The following ADAMTSL3 variants were observed in gnomAD, a reference collection of about 807,000 sequenced individuals.
ADAMTSL3 encodes the protein ADAMTS like 3, also known as ADAMTS-like protein 3.
In ADAMTSL3, 128 loss-of-function variants were observed where a neutral mutation model predicts 201.7. The observed-to-expected ratio is 0.63, with a 90% CI of 0.55 to 0.73. The LOEUF is 0.73. Ranked by LOEUF, ADAMTSL3 falls within the 30% of genes least tolerant of loss-of-function variation. ADAMTSL3 has a pLI of 0.00. For missense variants in ADAMTSL3, 1,990 were observed against 2,119.6 expected (o/e 0.94, Z 1.20); for synonymous variants, 738 against 748.4 (o/e 0.99, Z 0.23).
chr15:83,844,901 G>A (rs2064462772), intron 7 of ADAMTSL3, among the ~76,000 whole-genome samples: 1 of 152,176 alleles, frequency 6.6e-6, no homozygotes, highest in African/African-American at 2.4e-5. Context: ...GATGAAATCC[G>A]CGTCCCTCTC....
chr15:83,803,907 C>G (rs2063561119), intron 4 of ADAMTSL3, among the ~76,000 whole-genome samples: 1 of 152,148 alleles, frequency 6.6e-6, no homozygotes. Flanking sequence ...CTTTGGGAGG[C>G]TGGGGCAGGT....
intron 13 of ADAMTSL3, among the ~76,000 whole-genome samples, chr15:83,896,205 CG>C (rs1400767497): frequency 1.3e-5 from 2 of 150,662 alleles, no homozygotes; most frequent in Non-Finnish European, 3.0e-5. Flanking sequence ...GGAAGTGGGT[CG>C]GGAGGATTCA....
At chr15:83,793,247 A>C (rs946556578) in intron 4 of ADAMTSL3, among the ~76,000 whole-genome samples, 1 of 152,196 alleles carries the variant, frequency 6.6e-6, no homozygotes. Context: ...GGTAAGAGGA[A>C]TAAGTTTAAC....
intron 2 of ADAMTSL3, among the ~76,000 whole-genome samples, chr15:83,676,690 A>G (rs1440003019): frequency 6.6e-6 from 1 of 152,166 alleles, no homozygotes; most frequent in Non-Finnish European, 1.5e-5. Context: ...CAACAACAAC[A>G]ATAACAAAAT....
chr15:83,901,523 G>C (rs935366270), intron 15 of ADAMTSL3, among the ~76,000 whole-genome samples: 2 of 152,170 alleles, frequency 1.3e-5, no homozygotes, highest in African/African-American at 4.8e-5. Context: ...AAACATTGTG[G>C]ATATTTCAGA....
At chr15:83,884,224 CA>C (rs1349462817) in intron 9 of ADAMTSL3, among the ~76,000 whole-genome samples, 9 of 150,118 alleles carry the variant, frequency 6.0e-5, no homozygotes, top group Admixed American at 2.0e-4. Context: ...TTTTAATTGA[CA>C]AAAATTGTAC....
chr15:84,021,908 A>C (rs1479131351), intron 26 of ADAMTSL3, among the ~76,000 whole-genome samples: 2 of 152,184 alleles, frequency 1.3e-5, no homozygotes, highest in Non-Finnish European at 2.9e-5. Context: ...CAATCCTGTC[A>C]GTTCTTTAAG....
chr15:83,670,537 A>T (rs1437549453), intron 2 of ADAMTSL3, among the ~76,000 whole-genome samples: 1 of 152,062 alleles, frequency 6.6e-6, no homozygotes, highest in Non-Finnish European at 1.5e-5. Flanking sequence ...CATAATACTT[A>T]AACAAAAGTT....
chr15:83,826,049 A>G (rs2064015338), intron 6 of ADAMTSL3, among the ~76,000 whole-genome samples: 1 of 152,214 alleles, frequency 6.6e-6, no homozygotes, highest in Non-Finnish European at 1.5e-5. Context: ...GGATAACAAG[A>G]GCTTAAAATA....
chr15:83,805,937 C>G (rs984040762), intron 5 of ADAMTSL3, among the ~76,000 whole-genome samples: 2 of 152,166 alleles, frequency 1.3e-5, no homozygotes, highest in Non-Finnish European at 2.9e-5. Context: ...CAGGAGAACG[C>G]GGCAGTCCTC....
At chr15:84,016,238 C>G in intron 24 of ADAMTSL3, 145 bp from the exon 25 acceptor site, 1 of 636,972 alleles carries the variant, frequency 1.6e-6, no homozygotes, top group Non-Finnish European at 2.8e-6. Flanking sequence ...ACCTCCCAGA[C>G]CTGTGGTCAT....
chr15:83,717,733 A>G (rs2062039508), intron 3 of ADAMTSL3, among the ~76,000 whole-genome samples: 1 of 152,240 alleles, frequency 6.6e-6, no homozygotes, highest in Non-Finnish European at 1.5e-5. Context: ...TATGATTCCC[A>G]TTGGTGGTGG....
intron 28 of ADAMTSL3, 26 bp downstream of exon 28, chr15:84,031,458 C>T: frequency 6.3e-7 from 1 of 1,595,642 alleles, no homozygotes; most frequent in Non-Finnish European, 8.6e-7. Flanking sequence ...CAGAGCAGCA[C>T]ACATTCTCTC....
intron 2 of ADAMTSL3, among the ~76,000 whole-genome samples, chr15:83,699,337 C>A (rs1469772863): frequency 2.0e-5 from 3 of 152,178 alleles, no homozygotes; most frequent in African/African-American, 7.2e-5. Context: ...CCATCCATTA[C>A]AATTCCTTTA....
chr15:83,665,531 T>G (rs998698536), intron 2 of ADAMTSL3, among the ~76,000 whole-genome samples: 1 of 152,166 alleles, frequency 6.6e-6, no homozygotes, highest in Admixed American at 6.5e-5. Context: ...ACCAATTACA[T>G]GTAATTGTTT....
intron 20 of ADAMTSL3, among the ~76,000 whole-genome samples, chr15:83,975,572 C>A (rs967207009): frequency 2.0e-5 from 3 of 152,124 alleles, no homozygotes; most frequent in Admixed American, 1.3e-4. Context: ...TTAATTCATT[C>A]AACAAACAGA....
chr15:83,941,880 C>A (rs987488641), intron 17 of ADAMTSL3, among the ~76,000 whole-genome samples: 7 of 152,100 alleles, frequency 4.6e-5, no homozygotes, highest in South Asian at 2.1e-4. Context: ...ATTAAAATAA[C>A]CATAATGTGT....
At chr15:83,669,453 G>GTTTT (rs71156089) in intron 2 of ADAMTSL3, among the ~76,000 whole-genome samples, 7 of 56,924 alleles carry the variant, frequency 1.2e-4, no homozygotes, top group Non-Finnish European at 2.0e-4. Context: ...CGGGAGTGAG[G>GTTTT]TTTTTTTTTT....
intron 3 of ADAMTSL3, among the ~76,000 whole-genome samples, chr15:83,721,776 A>C (rs1053810462): frequency 1.3e-5 from 2 of 152,100 alleles, no homozygotes; most frequent in Non-Finnish European, 2.9e-5. Flanking sequence ...CCTGTTGCCC[A>C]AGCTGGAGTG....
Sources: gnomAD v4.1 joint callset for allele counts (sites outside exome capture counted in the v4.1 genomes callset) on GRCh38, gnomAD v4.1.1 for gene constraint, MANE v1.5 for transcripts, NCBI Gene and HGNC (gene_info 2026-07-23, HGNC 2026-07-21) for gene names.